SULF1: variants seen among roughly 807,000 people sequenced by gnomAD.
The protein encoded by SULF1 is extracellular sulfatase Sulf-1.
SULF1 carries 46 observed loss-of-function variants against 110.5 expected under a neutral mutation model. The ratio of observed to expected loss-of-function variants is 0.42; its 90% CI spans 0.33 to 0.53. The LOEUF is 0.53. SULF1 is among the 20% of genes least tolerant of loss of function. The pLI is 0.12. For synonymous variants in SULF1, 371 were observed against 387.1 expected (o/e 0.96, Z 0.49); for missense variants, 941 against 1,094.2 (o/e 0.86, Z 1.98).
At chr8:69,549,977 T>C (rs1814577125) in intron 3 of SULF1, among the ~76,000 whole-genome samples, 2 of 152,112 alleles carry the variant, frequency 1.3e-5, no homozygotes, top group South Asian at 4.2e-4. Context: ...GGGCTGTACA[T>C]GGTGTGTGGC....
intron 1 of SULF1, among the ~76,000 whole-genome samples, chr8:69,477,103 G>C (rs1408651101): frequency 2.6e-5 from 4 of 152,138 alleles, no homozygotes. Flanking sequence ...TTTTAGATCT[G>C]TCTTGGAGGT....
chr8:69,550,942 C>T (rs941789490), intron 3 of SULF1, among the ~76,000 whole-genome samples: 4 of 152,224 alleles, frequency 2.6e-5, no homozygotes, highest in Admixed American at 1.3e-4. Context: ...GGATTCAGCT[C>T]AGCATTCCCA....
intron 3 of SULF1, among the ~76,000 whole-genome samples, chr8:69,536,011 C>A (rs1265050888): frequency 1.3e-5 from 2 of 151,702 alleles, no homozygotes; most frequent in African/African-American, 4.8e-5. Context: ...ATACGAGACT[C>A]CGACTCAAAA....
At chr8:69,487,358 T>G (rs1809752575) in intron 1 of SULF1, among the ~76,000 whole-genome samples, 1 of 152,264 alleles carries the variant, frequency 6.6e-6, no homozygotes, top group Non-Finnish European at 1.5e-5. Flanking sequence ...TCAGCCTTTC[T>G]ATTGTCAAAC....
intron 5 of SULF1, among the ~76,000 whole-genome samples, chr8:69,573,155 G>A (rs1315110149): frequency 1.3e-5 from 2 of 152,170 alleles, no homozygotes; most frequent in Non-Finnish European, 2.9e-5. Context: ...GGACCCCAGT[G>A]GTGGAGCTGT....
intron 3 of SULF1, among the ~76,000 whole-genome samples, chr8:69,526,546 A>T (rs1030821536): frequency 1.3e-5 from 2 of 150,840 alleles, no homozygotes; most frequent in African/African-American, 2.4e-5. Context: ...AGGATTACTT[A>T]AGCCCAAGAA....
At chr8:69,523,391 A>G (rs1812448482) in intron 3 of SULF1, among the ~76,000 whole-genome samples, 1 of 152,128 alleles carries the variant, frequency 6.6e-6, no homozygotes, top group African/African-American at 2.4e-5. Context: ...TGAAACAGAT[A>G]TTTGAGAGAA....
chr8:69,636,264 C>T lies in SULF1; in HGVS notation c.2285-2238C>T, dbSNP rs149259404. Among the ~76,000 whole-genome samples the T allele has an allele frequency of 8.6e-3, 1,302 of 152,224 alleles. 7 individuals are homozygous for T. The highest frequency in any genetic ancestry group is 0.02 in the Middle Eastern group (6 of 294). ...AAAAATTCATGTTTCAGACCGGGCG[C>T]GGTGGCTCACACCTGTAATCCCAAC... On this transcript the variant is annotated intron_variant, in intron 19 of 22. Transcript: ENST00000402687.
At chr8:69,493,443 A>AC (rs1491406318) in intron 1 of SULF1, among the ~76,000 whole-genome samples, 19 of 139,104 alleles carry the variant, frequency 1.4e-4, no homozygotes, top group African/African-American at 5.1e-4. Flanking sequence ...ACACACACAC[A>AC]ACACTACACA....
chr8:69,592,440 C>T (rs1269317351), intron 8 of SULF1, among the ~76,000 whole-genome samples: 2 of 152,126 alleles, frequency 1.3e-5, no homozygotes, highest in Non-Finnish European at 2.9e-5. Flanking sequence ...TCAAATGAAC[C>T]TTCTATTGCC....
chr8:69,497,451 C>T (rs1563469485), intron 2 of SULF1, among the ~76,000 whole-genome samples: 2 of 152,082 alleles, frequency 1.3e-5, no homozygotes, highest in East Asian at 1.9e-4. Context: ...CCACCAGGCC[C>T]GGCCCAGAAT....
chr8:69,633,895 T>C (rs1009935377), intron 19 of SULF1, among the ~76,000 whole-genome samples: 1 of 152,236 alleles, frequency 6.6e-6, no homozygotes, highest in South Asian at 2.1e-4. Context: ...ACAAAGGTAT[T>C]GTATTTGTAT....
At chr8:69,532,975 T>C (rs1563504725) in intron 3 of SULF1, among the ~76,000 whole-genome samples, 1 of 152,222 alleles carries the variant, frequency 6.6e-6, no homozygotes, top group Non-Finnish European at 1.5e-5. Flanking sequence ...GATGTACAAA[T>C]TGACTAATCT....
intron 3 of SULF1, among the ~76,000 whole-genome samples, chr8:69,554,289 G>T (rs1814931155): frequency 6.6e-6 from 1 of 152,212 alleles, no homozygotes; most frequent in African/African-American, 2.4e-5. Flanking sequence ...TCTATTTATA[G>T]AGATACTCCA....
Position 69,556,149 on chromosome 8 carries a change from A to ATG in SULF1, c.-133-7379_-133-7378dup, listed in dbSNP as rs559967214. 1.6e-3 allele frequency among the ~76,000 whole-genome samples: 243 copies of ATG among 152,038 alleles called. 2 individuals carry two copies. The highest frequency in any genetic ancestry group is 0.012 in the South Asian group (59 of 4,812). On this transcript the variant is annotated intron_variant, in intron 3 of 22. Coordinates refer to ENST00000402687, the MANE Select transcript of SULF1 (RefSeq NM_001128205.2). ...TATGTGTGTGGGCATATGCACGTGT[A>ATG]TGTGTGTGTGTGGTATGTGCATGTA...
At chr8:69,605,224 C>A (rs1451523685) in intron 13 of SULF1, among the ~76,000 whole-genome samples, 1 of 152,144 alleles carries the variant, frequency 6.6e-6, no homozygotes, top group South Asian at 2.1e-4. Context: ...TGTTATAGTC[C>A]CTGTTAACTA....
rs559726295 is a variant in SULF1 at position 69,474,257 on chromosome 8, T to C, written c.-391+7307T>C. Among the ~76,000 whole-genome samples the C allele has an allele frequency of 1.3e-3, 200 of 152,340 alleles. 1 individual carries two copies. Among genetic ancestry groups the C allele is most frequent in the African/African-American group, 4.6e-3 (192 of 41,586 alleles). ...CTAATTGCATTCCAATGTACATTTA[T>C]TGATCAGTTACTTTAGAAGTGTGCA... On this transcript the variant is annotated intron_variant, in intron 1 of 22. Transcript: ENST00000260128.
At chr8:69,586,012 G>A (rs1177050251) in intron 6 of SULF1, among the ~76,000 whole-genome samples, 7 of 152,084 alleles carry the variant, frequency 4.6e-5, no homozygotes, top group African/African-American at 9.7e-5. Flanking sequence ...CAAATCTCAC[G>A]CTACTTCTCT....
chr8:69,620,020 A>G (rs1199665011), intron 13 of SULF1, among the ~76,000 whole-genome samples: 1 of 152,126 alleles, frequency 6.6e-6, no homozygotes, highest in Non-Finnish European at 1.5e-5. Context: ...GAATCAGGTC[A>G]CACACGGGCT....
Sources: allele counts gnomAD v4.1 joint callset (sites outside exome capture counted in the v4.1 genomes callset), GRCh38; gene constraint gnomAD v4.1.1; transcripts MANE v1.5; gene names NCBI Gene and HGNC (gene_info 2026-07-23, HGNC 2026-07-21).